Variants in CCDC57 observed in about 807,000 individuals in gnomAD.
CCDC57 encodes coiled-coil domain containing 57, also known as coiled-coil domain-containing protein 57.
In CCDC57, 118 loss-of-function variants were observed where a neutral mutation model predicts 118.9. The ratio of observed to expected loss-of-function variants is 0.99; its 90% CI spans 0.86 to 1.16. The LOEUF (loss-of-function observed/expected upper bound fraction) is 1.16, where lower values mean the gene tolerates loss of function less well. Among genes scored for constraint, CCDC57 ranks in the 50% most tolerant of loss-of-function variants. The pLI, the probability that CCDC57 is intolerant of heterozygous loss-of-function variation, is 0.00. For synonymous variants in CCDC57, 527 were observed against 532.9 expected (o/e 0.99, Z 0.15); for missense variants, 1,300 against 1,320.7 (o/e 0.98, Z 0.24).
At chr17:82,130,318 C>A (rs773237293) in intron 17 of CCDC57, among the ~76,000 whole-genome samples, 2 of 151,708 alleles carry the variant, frequency 1.3e-5, no homozygotes, top group African/African-American at 2.4e-5. Context: ...CTCAGCCTTC[C>A]GAGTAGCTGG....
chr17:82,209,220 G>A (rs917111932), intron 1 of CCDC57, among the ~76,000 whole-genome samples: 5 of 152,114 alleles, frequency 3.3e-5, no homozygotes, highest in Admixed American at 2.6e-4. Flanking sequence ...TACCACGAAG[G>A]AACATGAAGG....
rs970566697 is a variant in CCDC57, at chr17:82,118,332, C to T, written c.2899+9360G>A. 3.9e-5 allele frequency among the ~76,000 whole-genome samples: 6 copies of T among 152,140 alleles called. No homozygotes were observed. The highest frequency in any genetic ancestry group is 7.4e-5 in the Non-Finnish European group (5 of 67,998). On this transcript the variant is annotated intron_variant, in intron 19 of 19. Transcript: ENST00000665763. The surrounding 1 kb of genome is among the most constrained non-coding windows in gnomAD (Gnocchi z 4.7). ...AACCCAGTGTGGTGTTATCCATTAG[C>T]GCAGGACTGAAACCCGATGTGGGTG...
At chr17:82,128,625 T>G in intron 17 of CCDC57, 28 bp from the exon 17 acceptor site, 2 of 1,519,774 alleles carry the variant, frequency 1.3e-6, no homozygotes, top group Non-Finnish European at 8.9e-7. Context: ...ATGAGAGGAC[T>G]CTGGTATTCA....
chr17:82,211,331 A>T (rs1159927061), intron 1 of CCDC57, among the ~76,000 whole-genome samples: 1 of 152,176 alleles, frequency 6.6e-6, no homozygotes, highest in African/African-American at 2.4e-5. Context: ...TGGACTCATC[A>T]TTGGATCCTG....
intron 17 of CCDC57, among the ~76,000 whole-genome samples, chr17:82,132,633 G>C (rs1017431066): frequency 6.6e-6 from 1 of 151,534 alleles, no homozygotes; most frequent in Non-Finnish European, 1.5e-5. Context: ...TTGCTCTGGC[G>C]GGTCTTGAAC....
At chr17:82,143,303 A>G (rs1167971014) in intron 16 of CCDC57, among the ~76,000 whole-genome samples, 1 of 152,226 alleles carries the variant, frequency 6.6e-6, no homozygotes, top group Non-Finnish European at 1.5e-5. Context: ...ATAAAAATAA[A>G]TGTGAAACAT....
At chr17:82,126,992 G>C (rs951036764) in intron 19 of CCDC57, 35 of 985,246 alleles carry the variant, frequency 3.6e-5, no homozygotes, top group Admixed American at 1.2e-4. Context: ...CCTCGAAGCA[G>C]CATCTGTTTC....
In CCDC57 at chr17:82,118,810, C is replaced by T. The variant is rs2036259741; in HGVS notation, c.2899+8882G>A. On this transcript the variant is annotated intron_variant, in intron 19 of 19. Coordinates refer to ENST00000665763, the Ensembl canonical transcript of CCDC57. This position sits in a 1 kb window ranked among gnomAD's most constrained non-coding sequence, Gnocchi z 4.7. ...AGTTTGATGATTTTTCAGGTAAAAA[C>T]ACTACCTTAGAAATCTGTGATTTCT... Among the ~76,000 whole-genome samples the T allele has an allele frequency of 6.6e-6, 1 of 152,020 alleles. No homozygotes were observed. The highest frequency in any genetic ancestry group is 2.1e-4 in the South Asian group (1 of 4,824).
intron 8 of CCDC57, 103 bp from the exon 8 acceptor site, chr17:82,184,035 A>ACG (rs2046621113): frequency 1.3e-5 from 3 of 233,892 alleles, no homozygotes; most frequent in Admixed American, 5.9e-5. Flanking sequence ...GCGCGCGCAC[A>ACG]CACACACACA....
chr17:82,109,639 C>T (rs913361672), intron 19 of CCDC57, among the ~76,000 whole-genome samples: 3 of 151,942 alleles, frequency 2.0e-5, no homozygotes, highest in Non-Finnish European at 2.9e-5. Flanking sequence ...AGGTGGATCA[C>T]GAGGTCAGGA....
intron 6 of CCDC57, 24 bp downstream of exon 5, chr17:82,193,958 T>A: frequency 6.3e-7 from 1 of 1,599,138 alleles, no homozygotes; most frequent in Non-Finnish European, 8.5e-7. Flanking sequence ...AGAGCACGCC[T>A]CGGGAGATGA....
At chr17:82,200,916 C>T (rs2048920462) in intron 3 of CCDC57, among the ~76,000 whole-genome samples, 1 of 152,214 alleles carries the variant, frequency 6.6e-6, no homozygotes, top group Non-Finnish European at 1.5e-5. Flanking sequence ...AACGTCTGTA[C>T]ACACGCATCA....
chr17:82,169,810 T>G (rs1467533369), intron 13 of CCDC57, among the ~76,000 whole-genome samples: 1 of 152,218 alleles, frequency 6.6e-6, no homozygotes, highest in Non-Finnish European at 1.5e-5. Flanking sequence ...AACCTTTTGA[T>G]GTTGGACTAA....
exon 3 of CCDC57, chr17:82,201,854 G>T (rs2146913276): frequency 1.2e-6 from 2 of 1,613,452 alleles, no homozygotes; most frequent in East Asian, 4.5e-5. Context: ...GCCTCCTGCA[G>T]CTGGGTGCGG....
At chr17:82,164,484 T>C (rs956990241) in intron 13 of CCDC57, among the ~76,000 whole-genome samples, 19 of 152,214 alleles carry the variant, frequency 1.2e-4, no homozygotes, top group African/African-American at 4.3e-4. Context: ...AAATGTATAA[T>C]AGAGAATCAA....
intron 19 of CCDC57, chr17:82,111,854 A>T (rs1490558587): frequency 2.0e-5 from 3 of 151,360 alleles, no homozygotes; most frequent in Non-Finnish European, 4.4e-5. Flanking sequence ...TGATCCATCT[A>T]CCTTGGCCTG....
At chr17:82,105,808 G>A (rs1490045001) in intron 19 of CCDC57, among the ~76,000 whole-genome samples, 1 of 152,222 alleles carries the variant, frequency 6.6e-6, no homozygotes, top group Non-Finnish European at 1.5e-5. Context: ...CTGGCACATG[G>A]AGCCTGGAGC....
intron 14 of CCDC57, among the ~76,000 whole-genome samples, chr17:82,162,248 C>T (rs1358409658): frequency 2.6e-5 from 4 of 152,130 alleles, no homozygotes; most frequent in Admixed American, 1.3e-4. Flanking sequence ...TGGGGTGATC[C>T]GCCCACCTCG....
intron 11 of CCDC57, among the ~76,000 whole-genome samples, chr17:82,176,573 G>A (rs112408068): frequency 0.012 from 1,900 of 152,202 alleles, 40 homozygotes; most frequent in African/African-American, 0.043. Flanking sequence ...TAAACAGTGT[G>A]GGCTCCCAGA....
Sources: allele counts gnomAD v4.1 joint callset (sites outside exome capture counted in the v4.1 genomes callset), GRCh38; gene constraint gnomAD v4.1.1; non-coding constraint Gnocchi (gnomAD v3.1); transcripts MANE v1.5; gene names NCBI Gene and HGNC (gene_info 2026-07-23, HGNC 2026-07-21).